Variants in LYSMD4 observed in about 807,000 individuals in gnomAD.
The protein encoded by LYSMD4 is LysM domain containing 4.
LYSMD4 carries 9 observed loss-of-function variants against 6.1 expected under a neutral mutation model. The ratio of observed to expected loss-of-function variants is 1.47; its 90% CI spans 0.88 to 2.56. LYSMD4 has a LOEUF of 2.56. Among genes scored for constraint, LYSMD4 ranks in the 30% most tolerant of loss-of-function variants. The probability of loss-of-function intolerance (pLI) is 0.00; values close to 1 mark genes in which losing one functional copy is unlikely to be tolerated. For synonymous variants in LYSMD4, 143 were observed against 148.5 expected, an observed-to-expected ratio of 0.96 and a Z score of 0.27; for missense variants, 384 against 373.5, an observed-to-expected ratio of 1.03 and a Z score of -0.23.
rs2059321250 is a variant in LYSMD4 at position 99,728,408 on chromosome 15, T to TG, written c.*714dup. ...GAGAGCCACGCTGTGGGACGGCTCCTGCGGAACTGGGCGCAGCCTGTGTGT... is the reference window on the plus strand; with the variant it reads ...GAGAGCCACGCTGTGGGACGGCTCCTGGCGGAACTGGGCGCAGCCTGTGTGT... On this transcript the variant is annotated 3_prime_UTR_variant, in exon 3 of 3. Transcript: ENST00000684762. 2 of 152,814 alleles carry TG rather than the reference T, an allele frequency of 1.3e-5. No individual in the cohort carries two copies. The highest frequency in any genetic ancestry group is 6.5e-5 in the Admixed American group (1 of 15,314). The allele number at this position is 152,814 out of a possible 1,614,324, so 9.5% of individuals were successfully genotyped here.
chr15:99,719,932 G>A (rs1031636872), upstream of LYSMD4, among the ~76,000 whole-genome samples: 2 of 152,150 alleles, frequency 1.3e-5, no homozygotes, highest in South Asian at 2.1e-4. Flanking sequence ...GAGTGAGATT[G>A]AGCATTTTTT....
chr15:99,716,968 T>G, exon 1 of LYSMD4: 1 of 291,730 alleles, frequency 3.4e-6, no homozygotes. Context: ...AAGACAGATG[T>G]GCTGGCATGA....
exon 1 of LYSMD4, chr15:99,715,857 A>G (rs1463183712): frequency 6.6e-6 from 1 of 152,340 alleles, no homozygotes; most frequent in East Asian, 1.9e-4. Context: ...AGGTGGTCCC[A>G]ATCAAAACTC....
rs1406038186 is a variant in LYSMD4, at chr15:99,729,093, A to G, written c.*30T>C. 19 of 1,605,986 alleles carry G rather than the reference A, an allele frequency of 1.2e-5. No homozygotes were observed. Among genetic ancestry groups the G allele is most frequent in the Non-Finnish European group, 1.6e-5 (19 of 1,173,598 alleles). On this transcript the variant is annotated 3_prime_UTR_variant, in exon 3 of 3. Transcript: ENST00000684762. Reference sequence around the variant, plus strand: ...TGAGGCACATCAACAGCCAATTGCTAAAGCTGGGCCTAGTCTTTAAAAACA... The same window carrying G: ...TGAGGCACATCAACAGCCAATTGCTGAAGCTGGGCCTAGTCTTTAAAAACA...
chr15:99,716,570 C>G (rs1213162413), exon 1 of LYSMD4: 1 of 456,686 alleles, frequency 2.2e-6, no homozygotes, highest in Non-Finnish European at 4.4e-6. Context: ...AAGCCCTCTC[C>G]TTTTTCATTC....
downstream of LYSMD4, among the ~76,000 whole-genome samples, chr15:99,724,575 T>C (rs562456300): frequency 6.6e-6 from 1 of 152,308 alleles, no homozygotes; most frequent in South Asian, 2.1e-4. Context: ...CTGGCATAGG[T>C]CATATCCCAT....
chr15:99,730,809 C>T (rs1405637082), intron 2 of LYSMD4, among the ~76,000 whole-genome samples: 2 of 152,212 alleles, frequency 1.3e-5, no homozygotes, highest in Non-Finnish European at 2.9e-5. Flanking sequence ...AAGCCTACTC[C>T]ATCTATTCCG....
At chr15:99,723,344 C>T (rs952500252), downstream of LYSMD4, among the ~76,000 whole-genome samples, 3 of 152,198 alleles carry the variant, frequency 2.0e-5, no homozygotes, top group Non-Finnish European at 2.9e-5. Context: ...AGTTCTGCAC[C>T]GCCTCCTGTT....
downstream of LYSMD4, among the ~76,000 whole-genome samples, chr15:99,723,560 C>T (rs758637007): frequency 6.6e-6 from 1 of 152,212 alleles, no homozygotes; most frequent in African/African-American, 2.4e-5. Flanking sequence ...CCCCCAGAAA[C>T]ACGACGAAGC....
rs1348665174 is a variant in LYSMD4 at position 99,728,642 on chromosome 15, C to G, written c.*481G>C. The G allele has an allele frequency of 5.6e-6, 1 of 177,926 alleles. No homozygotes were observed. Among genetic ancestry groups the G allele is most frequent in the African/African-American group, 2.3e-5 (1 of 42,806 alleles). 11.0% of individuals were successfully genotyped at this position (177,926 alleles called of 1,614,324 possible). A position where few individuals can be genotyped will look rare whatever the true frequency, so the allele number is the denominator to read the frequency against. On this transcript the variant is annotated 3_prime_UTR_variant, in exon 3 of 3. Coordinates refer to ENST00000684762, the MANE Select transcript of LYSMD4 (RefSeq NM_001284417.2). ...TCACTCTCTAAAACAGGGTGGCATG[C>G]CAAGCCTATTCCACAGCACCTTTGC... is the stretch of plus-strand genomic sequence containing the variant.
chr15:99,728,461 ACACTAAGC>A lies in LYSMD4; in HGVS notation c.*654_*661del, dbSNP rs1324139022. On this transcript the variant is annotated 3_prime_UTR_variant, in exon 3 of 3. Coordinates refer to ENST00000684762, the MANE Select transcript of LYSMD4 (RefSeq NM_001284417.2). ...TTGGCCTGGGAGATGCCTGTGTGTC[ACACTAAGC>A]CACTCTAAAAGGACAGGAGTAGGAC... is the stretch of plus-strand genomic sequence containing the variant. 6.5e-6 allele frequency: 1 copy of A among 153,922 alleles called. No individual in the cohort carries two copies. The highest frequency in any genetic ancestry group is 1.4e-5 in the Non-Finnish European group (1 of 69,200). 9.5% of individuals were successfully genotyped at this position (153,922 alleles called of 1,614,324 possible). A position where few individuals can be genotyped will look rare whatever the true frequency, so the allele number is the denominator to read the frequency against.
chr15:99,718,201 A>G (rs2059205844), upstream of LYSMD4, among the ~76,000 whole-genome samples: 1 of 152,110 alleles, frequency 6.6e-6, no homozygotes, highest in Non-Finnish European at 1.5e-5. Context: ...TTTGTCTAAT[A>G]CCGCTCGGTG....
rs186605168 is a variant in LYSMD4 at position 99,731,501 on chromosome 15, T to C, written c.282+217A>G. On this transcript the variant is annotated intron_variant, in intron 2 of 2. Coordinates refer to ENST00000684762, the MANE Select transcript of LYSMD4 (RefSeq NM_001284417.2). Reference sequence around the variant, plus strand: ...GAGAAGTTCCCTGCAGAGAAAGAAATGCGCTAACCCTCCCTCTTTGGGGGC... The same window carrying C: ...GAGAAGTTCCCTGCAGAGAAAGAAACGCGCTAACCCTCCCTCTTTGGGGGC... 1.3e-5 allele frequency: 21 copies of C among 1,584,194 alleles called. No individual in the cohort carries two copies. The Admixed American group carries it at 3.1e-4, about 23-fold the overall frequency.
At chr15:99,731,123 T>G (rs757624611) in intron 2 of LYSMD4, 2 of 1,560,752 alleles carry the variant, frequency 1.3e-6, no homozygotes, top group Non-Finnish European at 1.8e-6. Context: ...AGTGAAACAG[T>G]TGCAATCTAG....
At chr15:99,717,997 T>A (rs1316046011), upstream of LYSMD4, among the ~76,000 whole-genome samples, 1 of 152,210 alleles carries the variant, frequency 6.6e-6, no homozygotes, top group Non-Finnish European at 1.5e-5. Flanking sequence ...AACATTTACA[T>A]AACCATAGTA....
chr15:99,732,443 A>ATCT (rs2059441482), intron 1 of LYSMD4, among the ~76,000 whole-genome samples: 1 of 152,262 alleles, frequency 6.6e-6, no homozygotes, highest in Non-Finnish European at 1.5e-5. Context: ...ATTGCAAAGT[A>ATCT]TCTTCACTAA....
chr15:99,726,737 A>G (rs930575715), downstream of LYSMD4, among the ~76,000 whole-genome samples: 3 of 152,190 alleles, frequency 2.0e-5, no homozygotes, highest in Non-Finnish European at 4.4e-5. Flanking sequence ...AGTTCAACCA[A>G]AAAGACTGGA....
At chr15:99,717,188 G>A (rs1365737810) in exon 1 of LYSMD4, 5 of 154,394 alleles carry the variant, frequency 3.2e-5, no homozygotes, top group African/African-American at 7.2e-5. Flanking sequence ...GCTACGGTGG[G>A]GCTCTTATTA....
chr15:99,725,198 C>T (rs1023060091), downstream of LYSMD4, among the ~76,000 whole-genome samples: 10 of 152,130 alleles, frequency 6.6e-5, no homozygotes, highest in African/African-American at 1.4e-4. Flanking sequence ...CTTGCATGTG[C>T]GACATAATGT....
Sources: allele counts gnomAD v4.1 joint callset (sites outside exome capture counted in the v4.1 genomes callset), GRCh38; gene constraint gnomAD v4.1.1; transcripts MANE v1.5; gene names NCBI Gene and HGNC (gene_info 2026-07-23, HGNC 2026-07-21).